GRIK4: variants seen among roughly 807,000 people sequenced by gnomAD.
GRIK4 encodes glutamate receptor ionotropic, kainate 4.
GRIK4 carries 40 observed loss-of-function variants against 104.9 expected under a neutral mutation model. The observed-to-expected ratio is 0.38, with a 90% CI of 0.30 to 0.50. The LOEUF is 0.50. Among genes scored for constraint, GRIK4 ranks in the 20% least tolerant of loss-of-function variants. The probability of loss-of-function intolerance (pLI) is 0.93; values close to 1 mark genes in which losing one functional copy is unlikely to be tolerated. For synonymous variants in GRIK4, 485 were observed against 524.9 expected (o/e 0.92, Z 1.04); for missense variants, 1,047 against 1,308.1 (o/e 0.80, Z 3.08).
intron 7 of GRIK4, among the ~76,000 whole-genome samples, chr11:120,834,921 G>A (rs1565381877): frequency 6.6e-6 from 1 of 152,212 alleles, no homozygotes; most frequent in Admixed American, 6.5e-5. Flanking sequence ...CAGCGGGCTC[G>A]CTCCGTGGGT....
At chr11:120,674,162 A>G (rs2000869) in intron 3 of GRIK4, among the ~76,000 whole-genome samples, 47,593 of 152,044 alleles carry the variant, frequency 0.31, 8,139 homozygotes, top group East Asian at 0.53. Flanking sequence ...CCAATTCATC[A>G]ACCTGGTCAC....
chr11:120,671,118 TTGGTTCCAAGTCTTTGC>T (rs1185441720), intron 3 of GRIK4, among the ~76,000 whole-genome samples: 1 of 152,186 alleles, frequency 6.6e-6, no homozygotes, highest in Admixed American at 6.5e-5. Context: ...GGCATTTGGG[TTGGTTCCAAGTCTTTGC>T]TGTTGTGAAT....
At chr11:120,593,292 C>T (rs1437781624) in intron 1 of GRIK4, among the ~76,000 whole-genome samples, 1 of 152,082 alleles carries the variant, frequency 6.6e-6, no homozygotes, top group Non-Finnish European at 1.5e-5. Flanking sequence ...ACTGCCTCCA[C>T]TTCACCTCCC....
At chr11:120,776,909 T>A (rs1952054891) in intron 3 of GRIK4, among the ~76,000 whole-genome samples, 3 of 152,210 alleles carry the variant, frequency 2.0e-5, no homozygotes, top group Admixed American at 2.0e-4. Context: ...GAAGTGGCAG[T>A]TTCAGAAGCA....
intron 13 of GRIK4, among the ~76,000 whole-genome samples, chr11:120,920,585 A>C (rs1398758709): frequency 6.6e-6 from 1 of 151,962 alleles, no homozygotes; most frequent in African/African-American, 2.4e-5. Flanking sequence ...CCAAGGTTAT[A>C]TGCGCTGTTC....
intron 9 of GRIK4, chr11:120,872,117 C>T (rs11602871): frequency 0.017 from 6,072 of 348,338 alleles, 321 homozygotes; most frequent in African/African-American, 0.12. Context: ...TGAGGGGGCA[C>T]AGCCCCTGCC....
At chr11:120,866,411 G>A (rs1302273120) in intron 9 of GRIK4, among the ~76,000 whole-genome samples, 2 of 152,212 alleles carry the variant, frequency 1.3e-5, no homozygotes, top group Non-Finnish European at 2.9e-5. Context: ...GCATCCCAAT[G>A]GAGCAGGGGT....
intron 3 of GRIK4, among the ~76,000 whole-genome samples, chr11:120,747,532 A>G (rs919876295): frequency 4.6e-5 from 7 of 152,248 alleles, no homozygotes; most frequent in African/African-American, 1.4e-4. Context: ...GTGTTAAGGT[A>G]GTTTGAGGCT....
intron 3 of GRIK4, among the ~76,000 whole-genome samples, chr11:120,757,303 C>T (rs3133864): frequency 0.12 from 17,610 of 152,268 alleles, 1,260 homozygotes; most frequent in South Asian, 0.25. Flanking sequence ...GGTGGTGTGG[C>T]CAATGGGAGT....
intron 4 of GRIK4, among the ~76,000 whole-genome samples, chr11:120,807,008 C>T (rs983566879): frequency 6.6e-6 from 1 of 152,174 alleles, no homozygotes; most frequent in Non-Finnish European, 1.5e-5. Flanking sequence ...CTCCAGCCTG[C>T]ATCTGACATC....
chr11:120,690,533 TGGGCAGCC>T (rs1950341599), intron 3 of GRIK4, among the ~76,000 whole-genome samples: 1 of 152,242 alleles, frequency 6.6e-6, no homozygotes. Context: ...AAGTCGAGCA[TGGGCAGCC>T]AGGCAGCTGG....
At chr11:120,694,261 C>T (rs1404590181) in intron 3 of GRIK4, among the ~76,000 whole-genome samples, 2 of 152,144 alleles carry the variant, frequency 1.3e-5, no homozygotes, top group Non-Finnish European at 2.9e-5. Flanking sequence ...GAACCCTGGG[C>T]TAAATGTCAA....
At chr11:120,702,018 C>T (rs11217977) in intron 3 of GRIK4, among the ~76,000 whole-genome samples, 41,121 of 139,508 alleles carry the variant, frequency 0.29, 6,125 homozygotes, top group Admixed American at 0.38. Flanking sequence ...TGCAGTGGTG[C>T]GATACCGGCT....
chr11:120,849,654 G>A (rs558942150), intron 8 of GRIK4, among the ~76,000 whole-genome samples: 3 of 152,324 alleles, frequency 2.0e-5, no homozygotes, highest in South Asian at 4.1e-4. Flanking sequence ...TACACAGTAT[G>A]AAAGTGAGGC....
rs1433146086 is a variant in GRIK4 at position 120,872,054 on chromosome 11, C to T, written c.907-2012C>T. On this transcript the variant is annotated intron_variant, in intron 9 of 20. Transcript: ENST00000527524. ...GTCCTTACCACTCCCTGGAGCCTTA[C>T]TTAGTTCAGTCAACACCGGCTTCCT... The T allele has an allele frequency of 1.3e-5, 5 of 382,836 alleles. No individual in the cohort carries two copies. In the Middle Eastern group the frequency reaches 2.3e-3, roughly 179 times the overall value. 23.7% of individuals were successfully genotyped at this position (382,836 alleles called of 1,614,324 possible). A position where few individuals can be genotyped will look rare whatever the true frequency, so the allele number is the denominator to read the frequency against.
intron 1 of GRIK4, among the ~76,000 whole-genome samples, chr11:120,606,781 C>T (rs1487557091): frequency 1.3e-5 from 2 of 152,164 alleles, no homozygotes; most frequent in East Asian, 3.8e-4. Context: ...GAAGGAACAG[C>T]CCTTGAGCTC....
chr11:120,861,288 A>G (rs1264484494), intron 8 of GRIK4, among the ~76,000 whole-genome samples: 1 of 151,696 alleles, frequency 6.6e-6, no homozygotes, highest in Non-Finnish European at 1.5e-5. Context: ...TTGTATTTTT[A>G]GTAGAGATGG....
At chr11:120,785,380 C>G (rs1952246234) in intron 3 of GRIK4, among the ~76,000 whole-genome samples, 1 of 152,152 alleles carries the variant, frequency 6.6e-6, no homozygotes, top group Non-Finnish European at 1.5e-5. Context: ...GTGAGCCGGT[C>G]CACAGAGAGC....
chr11:120,717,908 G>C (rs1366907483), intron 3 of GRIK4, among the ~76,000 whole-genome samples: 1 of 152,136 alleles, frequency 6.6e-6, no homozygotes, highest in East Asian at 1.9e-4. Context: ...CTCCCAGCAA[G>C]GCTGGGGTAG....
Sources: allele counts gnomAD v4.1 joint callset (sites outside exome capture counted in the v4.1 genomes callset), GRCh38; gene constraint gnomAD v4.1.1; transcripts MANE v1.5; gene names NCBI Gene and HGNC (gene_info 2026-07-23, HGNC 2026-07-21).